Variants in SLC25A26 observed in about 807,000 individuals in gnomAD.
SLC25A26 encodes the protein mitochondrial S-adenosylmethionine carrier protein.
Under a neutral mutation model 37.8 loss-of-function variants are expected in SLC25A26, and 36 were observed. The observed-to-expected ratio is 0.95, with a 90% confidence interval of 0.73 to 1.26. The LOEUF is 1.26. Ranked by LOEUF, SLC25A26 falls within the 50% of genes most tolerant of loss-of-function variation. The pLI is 0.00. For missense variants in SLC25A26, 390 were observed against 331.1 expected, an observed-to-expected ratio of 1.18 and a Z score of -1.38; for synonymous variants, 129 against 122.5, an observed-to-expected ratio of 1.05 and a Z score of -0.35.
chr3:66,135,677 G>A (rs1005751695), intron 1 of SLC25A26, among the ~76,000 whole-genome samples: 2 of 152,130 alleles, frequency 1.3e-5, no homozygotes, highest in African/African-American at 2.4e-5. Context: ...TAAAGTGGGA[G>A]GATCTCTCTT....
chr3:66,159,921 A>T (rs1461990253), intron 1 of SLC25A26, among the ~76,000 whole-genome samples: 1 of 152,194 alleles, frequency 6.6e-6, no homozygotes, highest in Non-Finnish European at 1.5e-5. Flanking sequence ...GAAGGGTAGT[A>T]AGTGATGAAA....
At chr3:66,265,051 G>T (rs9817848) in intron 5 of SLC25A26, among the ~76,000 whole-genome samples, 5,434 of 152,268 alleles carry the variant, frequency 0.036, 335 homozygotes, top group African/African-American at 0.12. Context: ...GGTGACTCAA[G>T]CCTGTAATCC....
chr3:66,372,371 C>G (rs949624024), intron 9 of SLC25A26, among the ~76,000 whole-genome samples: 4 of 152,242 alleles, frequency 2.6e-5, no homozygotes, highest in African/African-American at 9.6e-5. Flanking sequence ...ACTGGCAACC[C>G]CATGGCCCCA....
chr3:66,304,320 C>G, intron 5 of SLC25A26: 1 of 410,984 alleles, frequency 2.4e-6, no homozygotes, highest in Non-Finnish European at 4.8e-6. Context: ...CCCACAATGC[C>G]TCTTGATTTA....
At chr3:66,211,873 A>G (rs1284143374) in intron 1 of SLC25A26, among the ~76,000 whole-genome samples, 1 of 152,218 alleles carries the variant, frequency 6.6e-6, no homozygotes, top group African/African-American at 2.4e-5. Flanking sequence ...AGCATTAAGT[A>G]CATTTGCTGC....
intron 2 of SLC25A26, among the ~76,000 whole-genome samples, chr3:66,240,254 G>A (rs1361146976): frequency 6.6e-6 from 1 of 152,140 alleles, no homozygotes; most frequent in Non-Finnish European, 1.5e-5. Context: ...TATAGTATGT[G>A]CTACAGTTAA....
At chr3:66,272,827 G>A (rs1051175017) in intron 5 of SLC25A26, among the ~76,000 whole-genome samples, 18 of 152,100 alleles carry the variant, frequency 1.2e-4, no homozygotes, top group African/African-American at 4.3e-4. Context: ...TTCCAACACT[G>A]TGTTGAATAG....
At chr3:66,141,513 G>GA (rs1157915933) in intron 1 of SLC25A26, among the ~76,000 whole-genome samples, 1 of 131,858 alleles carries the variant, frequency 7.6e-6, no homozygotes, top group African/African-American at 3.0e-5. Context: ...GAAATAGTGT[G>GA]AATTTTTTTT....
At chr3:66,207,085 A>G (rs913885943) in intron 1 of SLC25A26, among the ~76,000 whole-genome samples, 9 of 151,908 alleles carry the variant, frequency 5.9e-5, no homozygotes, top group Non-Finnish European at 1.3e-4. Context: ...AAGACTCGGT[A>G]GGCTTTAAAA....
In SLC25A26 at chr3:66,308,287, A is replaced by C. The variant is rs373311063; in HGVS notation, c.454-38077A>C. ...AGTTGTGAATGGGCGTTCACTCATGATTTGGCTCTCTGATTGTCTGTTAAT... is the reference window on the plus strand; with the variant it reads ...AGTTGTGAATGGGCGTTCACTCATGCTTTGGCTCTCTGATTGTCTGTTAAT... On this transcript the variant is annotated intron_variant, in intron 5 of 9. Coordinates refer to ENST00000354883, the MANE Select transcript of SLC25A26 (RefSeq NM_001379210.1). Among the ~76,000 whole-genome samples the C allele has an allele frequency of 1.3e-4, 20 of 152,168 alleles. 1 individual carries two copies. The highest frequency in any genetic ancestry group is 2.1e-4 in the South Asian group (1 of 4,816).
intron 1 of SLC25A26, among the ~76,000 whole-genome samples, chr3:66,209,879 CCTCT>C (rs1371306688): frequency 0.27 from 17,176 of 63,322 alleles, 2,680 homozygotes; most frequent in East Asian, 0.38. Flanking sequence ...TATATATACT[CCTCT>C]CTCTCTCTCT....
intron 5 of SLC25A26, among the ~76,000 whole-genome samples, chr3:66,341,863 T>A (rs2076217377): frequency 6.6e-6 from 1 of 152,240 alleles, no homozygotes; most frequent in Non-Finnish European, 1.5e-5. Context: ...ACTATTGGAA[T>A]TCTTTCCTGC....
chr3:66,306,340 T>C (rs559477052), intron 5 of SLC25A26, among the ~76,000 whole-genome samples: 287 of 150,470 alleles, frequency 1.9e-3, no homozygotes, highest in Non-Finnish European at 3.5e-3. Context: ...CTCATTGTGG[T>C]TTTGATTTTC....
chr3:66,373,526 TC>T, intron 9 of SLC25A26, among the ~76,000 whole-genome samples: 1 of 152,226 alleles, frequency 6.6e-6, no homozygotes, highest in Non-Finnish European at 1.5e-5. Flanking sequence ...CAGAGTGGTC[TC>T]CCACAGCTCG....
chr3:66,377,699 A>G lies in SLC25A26; in HGVS notation c.717A>G (p.Ala239=), dbSNP rs1210915922. The change falls in exon 10 of 10, where the codon GCA becomes GCG. Residue 239 remains alanine, a synonymous_variant. Transcript: ENST00000354883. The part of the protein sequence containing the change: ...WRSQGLAGLF[A]GVFPRMAAIS... ...CTGTTTTTTCCCCTAGATTATTTGC[A>G]GGTGTCTTCCCTCGAATGGCAGCCA... The G allele has an allele frequency of 6.2e-7, 1 of 1,613,078 alleles. No homozygotes were observed. The highest frequency in any genetic ancestry group is 8.5e-7 in the Non-Finnish European group (1 of 1,179,162).
chr3:66,300,234 T>C (rs2075032702), intron 5 of SLC25A26, among the ~76,000 whole-genome samples: 1 of 150,620 alleles, frequency 6.6e-6, no homozygotes, highest in African/African-American at 2.4e-5. Context: ...AGTGGACTTC[T>C]AGGCTAGGGT....
intron 5 of SLC25A26, among the ~76,000 whole-genome samples, chr3:66,330,300 A>G (rs773330535): frequency 4.6e-5 from 7 of 152,180 alleles, no homozygotes; most frequent in Non-Finnish European, 1.0e-4. Flanking sequence ...TAACATATCT[A>G]TTAGACAACC....
At chr3:66,215,427 C>A (rs2071345829) in intron 1 of SLC25A26, among the ~76,000 whole-genome samples, 1 of 152,114 alleles carries the variant, frequency 6.6e-6, no homozygotes, top group African/African-American at 2.4e-5. Flanking sequence ...TCTTGAATTC[C>A]TGGACTCAAG....
chr3:66,335,432 T>G (rs528824126), intron 5 of SLC25A26, among the ~76,000 whole-genome samples: 6 of 152,338 alleles, frequency 3.9e-5, no homozygotes, highest in Admixed American at 3.9e-4. Context: ...TTTTTGTATA[T>G]AATTGATATT....
Sources: gnomAD v4.1 joint callset for allele counts (sites outside exome capture counted in the v4.1 genomes callset) on GRCh38, gnomAD v4.1.1 for gene constraint, MANE v1.5 for transcripts, NCBI Gene and HGNC (gene_info 2026-07-23, HGNC 2026-07-21) for gene names.